EBF4: variants seen among roughly 807,000 people sequenced by gnomAD.
EBF4 encodes transcription factor COE4.
EBF4 carries 34 observed loss-of-function variants against 67.1 expected under a neutral mutation model. That is an observed-to-expected ratio of 0.51 (90% CI 0.39 to 0.67). EBF4 has a LOEUF of 0.67. Among genes scored for constraint, EBF4 ranks in the 30% least tolerant of loss-of-function variants. The probability of loss-of-function intolerance (pLI) is 0.00; values close to 1 mark genes in which losing one functional copy is unlikely to be tolerated. For missense variants in EBF4, 837 were observed against 873.3 expected (o/e 0.96, Z 0.52); for synonymous variants, 387 against 377.7 (o/e 1.02, Z -0.29).
At chr20:2,702,446 C>T (rs1168101403) in intron 1 of EBF4, among the ~76,000 whole-genome samples, 1 of 151,478 alleles carries the variant, frequency 6.6e-6, no homozygotes, top group Non-Finnish European at 1.5e-5. Flanking sequence ...AAAAAAGATA[C>T]TGGAGGTCCC....
At chr20:2,721,246 C>CTTTTTTTTTTTTTTTTTTTTGTTTTTT (rs146844927) in intron 6 of EBF4, among the ~76,000 whole-genome samples, 1 of 108,122 alleles carries the variant, frequency 9.2e-6, no homozygotes, top group Non-Finnish European at 1.9e-5. Flanking sequence ...TGATTCTCTT[C>CTTTTTTTTTTTTTTTTTTTTGTTTTTT]TTTTTTTTTT....
chr20:2,748,652 C>T, intron 7 of EBF4, 22 bp downstream of exon 7: 1 of 1,546,290 alleles, frequency 6.5e-7, no homozygotes, highest in Non-Finnish European at 8.8e-7. Flanking sequence ...GAGAGGGTTT[C>T]CCCTTGCAAC....
intron 6 of EBF4, among the ~76,000 whole-genome samples, chr20:2,725,768 C>T (rs1156954505): frequency 6.6e-6 from 1 of 152,198 alleles, no homozygotes; most frequent in Non-Finnish European, 1.5e-5. Context: ...GGATCCAGGG[C>T]CCTCCTCTCA....
At chr20:2,728,476 C>T (rs2087772278) in intron 6 of EBF4, among the ~76,000 whole-genome samples, 1 of 152,014 alleles carries the variant, frequency 6.6e-6, no homozygotes, top group Admixed American at 6.6e-5. Flanking sequence ...TACCTGTAGT[C>T]TAGAGTCACC....
intron 6 of EBF4, among the ~76,000 whole-genome samples, chr20:2,741,552 A>C (rs1025614734): frequency 6.6e-6 from 1 of 152,224 alleles, no homozygotes; most frequent in African/African-American, 2.4e-5. Context: ...GAAATACTCC[A>C]TGGACAAGAC....
At position 2,697,702 on chromosome 20, in the gene EBF4, C is replaced by G. The variant is rs563039217; in HGVS notation, c.137+3920C>G. ...GAAGTCTGCACAAGGACCCCCTGCCCCTGCCCTGAGCCAACAGGACGTTAT... is the reference window on the plus strand; with the variant it reads ...GAAGTCTGCACAAGGACCCCCTGCCGCTGCCCTGAGCCAACAGGACGTTAT... On this transcript the variant is annotated intron_variant, in intron 1 of 16. Coordinates refer to ENST00000609451, the Ensembl canonical transcript of EBF4. Among the ~76,000 whole-genome samples the G allele has an allele frequency of 1.3e-5, 2 of 152,294 alleles. 1 individual carries two copies. Among genetic ancestry groups the G allele is most frequent in the South Asian group, 4.1e-4 (2 of 4,828 alleles).
chr20:2,752,900 C>G (rs951946020), intron 14 of EBF4, among the ~76,000 whole-genome samples: 11 of 152,238 alleles, frequency 7.2e-5, no homozygotes, highest in African/African-American at 1.9e-4. Flanking sequence ...CTTCCCATCT[C>G]GCGCCCGGAC....
At chr20:2,722,748 A>G (rs1272911972) in intron 6 of EBF4, among the ~76,000 whole-genome samples, 3 of 152,164 alleles carry the variant, frequency 2.0e-5, no homozygotes, top group African/African-American at 7.2e-5. Context: ...GTCTTGAAAA[A>G]TGTTTTATTT....
intron 6 of EBF4, among the ~76,000 whole-genome samples, chr20:2,723,704 T>C (rs2087713955): frequency 1.3e-5 from 2 of 152,226 alleles, no homozygotes; most frequent in Admixed American, 1.3e-4. Context: ...GTCTATTTTT[T>C]AACTGGCAAG....
chr20:2,743,936 A>G (rs942654092), intron 6 of EBF4, among the ~76,000 whole-genome samples: 1 of 152,124 alleles, frequency 6.6e-6, no homozygotes, highest in African/African-American at 2.4e-5. Flanking sequence ...TCTGCTATCA[A>G]ACATCAAGTT....
chr20:2,705,533 C>T (rs533185288), intron 1 of EBF4, 44 bp from the exon 2 acceptor site: 1 of 1,551,494 alleles, frequency 6.4e-7, no homozygotes, highest in South Asian at 1.2e-5. Context: ...GTCTTTCTCA[C>T]TGGGGGGCCT....
intron 6 of EBF4, among the ~76,000 whole-genome samples, chr20:2,716,676 G>T (rs904236813): frequency 6.6e-6 from 1 of 152,124 alleles, no homozygotes; most frequent in Non-Finnish European, 1.5e-5. Flanking sequence ...AGGAATCAAT[G>T]TAATTATTTT....
chr20:2,749,854 C>A (rs1452325828), exon 10 of EBF4: 2 of 1,549,772 alleles, frequency 1.3e-6, no homozygotes, highest in Non-Finnish European at 8.7e-7. Flanking sequence ...CAGCTCATCA[C>A]GCCCCACGCC....
Position 2,755,583 on chromosome 20 carries a change from C to T in EBF4, c.1541-44C>T. On this transcript the variant is annotated intron_variant, in intron 14 of 16. Coordinates refer to ENST00000609451, the Ensembl canonical transcript of EBF4. This position sits in a 1 kb window ranked among gnomAD's most constrained non-coding sequence, Gnocchi z 4.7. ...TGCTGTCTCCCTGTTGTGTCTCCCA[C>T]CACCTTCCCTGCTGCGCCTGCCCCT... is the stretch of plus-strand genomic sequence containing the variant. 1.0e-6 allele frequency: 1 copy of T among 1,002,376 alleles called. No homozygotes were observed. The highest frequency in any genetic ancestry group is 1.5e-6 in the Non-Finnish European group (1 of 654,074). 62.1% of individuals were successfully genotyped at this position (1,002,376 alleles called of 1,614,324 possible). A position where few individuals can be genotyped will look rare whatever the true frequency, so the allele number is the denominator to read the frequency against.
Position 2,755,806 on chromosome 20 carries a change from C to T in EBF4, c.1720C>T (p.His574Tyr). ...CCCACCCCAGGCCTGCCCCAGAGCC[C>T]ACGGAGAGGGGCTTCCAGGTGAGTG... Residue 574 changes from histidine to tyrosine, a missense_variant, in exon 15 of 17, where the codon CAC becomes TAC. This residue lies in a region of EBF4 where 525 missense variants were observed against 496.5 expected (regional missense o/e 1.06). Coordinates refer to ENST00000609451, the Ensembl canonical transcript of EBF4. This position sits in a 1 kb window ranked among gnomAD's most constrained non-coding sequence, Gnocchi z 4.7. 1 of 1,548,408 alleles carries T rather than the reference C, an allele frequency of 6.5e-7. No homozygotes were observed. The highest frequency in any genetic ancestry group is 1.4e-5 in the African/African-American group (1 of 73,164).
In EBF4 at chr20:2,745,111, A is replaced by G. The variant is rs986044244; in HGVS notation, c.558-3438A>G. 2.0e-5 allele frequency among the ~76,000 whole-genome samples: 3 copies of G among 152,216 alleles called. No individual in the cohort carries two copies. The highest frequency in any genetic ancestry group is 1.3e-4 in the Admixed American group (2 of 15,280). On this transcript the variant is annotated intron_variant, in intron 6 of 16. Transcript: ENST00000609451. The surrounding 1 kb of genome is among the most constrained non-coding windows in gnomAD (Gnocchi z 5.2). ...TTCTCAAACTTCAGGGTGAACCAGC[A>G]TCACCTGGAGGGCGTATGAATGCAG...
At chr20:2,716,220 T>TAAAAA (rs35206416) in intron 6 of EBF4, among the ~76,000 whole-genome samples, 1 of 118,272 alleles carries the variant, frequency 8.5e-6, no homozygotes, top group Non-Finnish European at 1.8e-5. Flanking sequence ...GACCCTGTCT[T>TAAAAA]AAAAAAAAAA....
intron 6 of EBF4, among the ~76,000 whole-genome samples, chr20:2,732,063 T>G (rs1387454758): frequency 6.6e-6 from 1 of 152,212 alleles, no homozygotes. Context: ...TGTTAGTTTT[T>G]GCTTCATGCA....
chr20:2,695,557 C>CTT (rs1252950222), intron 1 of EBF4, among the ~76,000 whole-genome samples: 1 of 152,172 alleles, frequency 6.6e-6, no homozygotes, highest in Admixed American at 6.5e-5. Context: ...AGTGTGGAGA[C>CTT]TTCTCTGTCT....
Sources: allele counts gnomAD v4.1 joint callset (sites outside exome capture counted in the v4.1 genomes callset), GRCh38; gene constraint gnomAD v4.1.1; regional missense constraint gnomAD v4.1.1; non-coding constraint Gnocchi (gnomAD v3.1); transcripts MANE v1.5; gene names NCBI Gene and HGNC (gene_info 2026-07-23, HGNC 2026-07-21).